SVIL: variants seen among roughly 807,000 people sequenced by gnomAD.
SVIL encodes supervillin.
Under a neutral mutation model 240.4 loss-of-function variants are expected in SVIL, and 101 were observed. That is an observed-to-expected ratio of 0.42 (90% CI 0.36 to 0.50). SVIL has a LOEUF of 0.50. SVIL is among the 20% of genes least tolerant of loss of function. The pLI, the probability that SVIL is intolerant of heterozygous loss-of-function variation, is 0.01. For missense variants in SVIL, 2,512 were observed against 2,818.7 expected, an observed-to-expected ratio of 0.89 and a Z score of 2.46; for synonymous variants, 999 against 1,100.0, an observed-to-expected ratio of 0.91 and a Z score of 1.82.
chr10:29,659,526 A>C (rs1148219), intron 2 of SVIL, among the ~76,000 whole-genome samples: 30,416 of 152,106 alleles, frequency 0.2, 3,323 homozygotes, highest in South Asian at 0.38. Flanking sequence ...ATTCCACAGG[A>C]AGGATGTCAG....
intron 18 of SVIL, among the ~76,000 whole-genome samples, chr10:29,497,072 G>A (rs893299840): frequency 6.6e-6 from 1 of 152,198 alleles, no homozygotes; most frequent in African/African-American, 2.4e-5. Context: ...TTCTGTGAGA[G>A]TAAATTATAT....
intron 1 of SVIL, among the ~76,000 whole-genome samples, chr10:29,693,341 G>A (rs1292202065): frequency 6.6e-6 from 1 of 151,986 alleles, no homozygotes; most frequent in African/African-American, 2.4e-5. Context: ...GCAAAGGCAA[G>A]GAGAGAAGAG....
At position 29,550,059 on chromosome 10, in the gene SVIL, GA is replaced by G. The variant is rs35956858; in HGVS notation, c.827+537del. On this transcript the variant is annotated intron_variant, in intron 6 of 37. Transcript: ENST00000355867. ...AAAAGAATTACGAAGAAAAGAAAAA[GA>G]AAAAAAAAAACATAAGAAACGCACA... Among the ~76,000 whole-genome samples the G allele has an allele frequency of 2.7e-3, 356 of 131,520 alleles. 7 individuals are homozygous for G. The South Asian group carries it at 0.06, about 22-fold the overall frequency. 86.3% of individuals were successfully genotyped at this position (131,520 alleles called of 152,430 possible).
chr10:29,662,982 A>T (rs1210875158), intron 2 of SVIL, among the ~76,000 whole-genome samples: 1 of 152,176 alleles, frequency 6.6e-6, no homozygotes, highest in Non-Finnish European at 1.5e-5. Flanking sequence ...GTGTGGTGGC[A>T]TGCACCTGTA....
At chr10:29,678,137 G>C (rs1476155055) in intron 2 of SVIL, among the ~76,000 whole-genome samples, 1 of 152,074 alleles carries the variant, frequency 6.6e-6, no homozygotes. Context: ...CAGGGGTTGA[G>C]GGGGATGGTT....
At chr10:29,639,468 C>T (rs1958414461), upstream of SVIL, among the ~76,000 whole-genome samples, 1 of 129,650 alleles carries the variant, frequency 7.7e-6, no homozygotes, top group African/African-American at 3.2e-5. Flanking sequence ...TGCGCCTGGC[C>T]CTTTTTTTTT....
chr10:29,676,585 G>A (rs1160198187), intron 2 of SVIL, among the ~76,000 whole-genome samples: 2 of 152,146 alleles, frequency 1.3e-5, no homozygotes, highest in Admixed American at 1.3e-4. Context: ...TCAAAGGTAA[G>A]TACAAAAAAA....
At chr10:29,555,656 T>C (rs984018652) in intron 3 of SVIL, among the ~76,000 whole-genome samples, 1 of 152,210 alleles carries the variant, frequency 6.6e-6, no homozygotes, top group African/African-American at 2.4e-5. Flanking sequence ...AAGGGAGACC[T>C]GACGAGCAAG....
chr10:29,665,490 T>C (rs1302730808), intron 2 of SVIL, among the ~76,000 whole-genome samples: 1 of 152,066 alleles, frequency 6.6e-6, no homozygotes, highest in Admixed American at 6.6e-5. Context: ...GGACAACTAA[T>C]ACCAGACTTA....
At chr10:29,638,197 C>T (rs900343577), upstream of SVIL, among the ~76,000 whole-genome samples, 6 of 152,156 alleles carry the variant, frequency 3.9e-5, no homozygotes, top group Non-Finnish European at 8.8e-5. Flanking sequence ...CGGGGTGGCT[C>T]ACACCTGTAA....
chr10:29,681,517 A>G (rs1960653159), intron 2 of SVIL, among the ~76,000 whole-genome samples: 1 of 152,038 alleles, frequency 6.6e-6, no homozygotes, highest in Non-Finnish European at 1.5e-5. Flanking sequence ...ATTTCATTAA[A>G]TTAACATCCT....
intron 27 of SVIL, chr10:29,483,905 T>G (rs1488897354): frequency 1.3e-5 from 2 of 152,248 alleles, no homozygotes; most frequent in African/African-American, 2.4e-5. Flanking sequence ...TATTGGGAGA[T>G]GCCCAATATT....
rs1564688775 is a variant in SVIL, at chr10:29,600,803, TCTAA to T, written c.-200-31495_-200-31492del. On this transcript the variant is annotated intron_variant, in intron 1 of 37. Transcript: ENST00000355867. Reference sequence around the variant, plus strand: ...ACCAGGAGAAGGACCGAAAGACTGTTCTAACTAAAACCCCACAATGGCATCTCTC... The same window carrying T: ...ACCAGGAGAAGGACCGAAAGACTGTTCTAAAACCCCACAATGGCATCTCTC... Among the ~76,000 whole-genome samples the T allele has an allele frequency of 2.0e-5, 3 of 152,250 alleles. No homozygotes were observed. In the East Asian group the frequency reaches 5.8e-4, roughly 29 times the overall value.
At position 29,465,588 on chromosome 10, in the gene SVIL, GCC is replaced by G; in HGVS notation, c.6133+5_6133+6del. 1 of 1,602,378 alleles carries G rather than the reference GCC, an allele frequency of 6.2e-7. No homozygotes were observed. The highest frequency in any genetic ancestry group is 1.3e-5 in the African/African-American group (1 of 74,664). The stretch of plus-strand genomic sequence containing the variant: ...TGCTCAGCATAGCTGCCCCCTGCAG[GCC>G]TTACCTGGCTGGGGCGCGCTGTACA... On this transcript the variant is annotated splice_donor_5th_base_variant and intron_variant, in intron 34 of 37. Coordinates refer to ENST00000355867, the MANE Select transcript of SVIL (RefSeq NM_021738.3).
intron 1 of SVIL, among the ~76,000 whole-genome samples, chr10:29,570,155 A>C (rs1258848078): frequency 6.6e-6 from 1 of 152,254 alleles, no homozygotes; most frequent in African/African-American, 2.4e-5. Context: ...ATCAAAATAC[A>C]TCCTCAGTCC....
chr10:29,467,990 C>T, intron 32 of SVIL, 115 bp from the exon 33 acceptor site: 1 of 1,181,630 alleles, frequency 8.5e-7, no homozygotes, highest in Non-Finnish European at 1.2e-6. Flanking sequence ...ATATAATTCA[C>T]ATGTCATAAA....
In SVIL at chr10:29,647,073, G is replaced by A. The variant is rs994826242; in HGVS notation, c.-201+10896C>T. 10 of 152,148 alleles carry A rather than the reference G, an allele frequency of 6.6e-5. No individual in the cohort carries two copies. The East Asian group carries it at 9.6e-4, about 15-fold the overall frequency. The allele number at this position is 152,148 out of a possible 1,614,324, so 9.4% of individuals were successfully genotyped here. On this transcript the variant is annotated intron_variant, in intron 3 of 35. Transcript: ENST00000375400. ...ACCTAGAAACCCCAATCCTCTGCAG[G>A]GGAAAACAAGAGGACATGCTTAGGA...
At position 29,466,832 on chromosome 10, in the gene SVIL, T is replaced by C. The variant is rs571035993; in HGVS notation, c.5977+910A>G. Among the ~76,000 whole-genome samples the C allele has an allele frequency of 7.3e-4, 111 of 152,350 alleles. 1 individual carries two copies. Among genetic ancestry groups the C allele is most frequent in the African/African-American group, 2.5e-3 (105 of 41,588 alleles). On this transcript the variant is annotated intron_variant, in intron 33 of 37. Coordinates refer to ENST00000355867, the MANE Select transcript of SVIL (RefSeq NM_021738.3). ...CTGTTCTGAGAAATGTGGTTATAAGTGACTTCATTTCTTTTTTTAACTTCT... is the reference window on the plus strand; with the variant it reads ...CTGTTCTGAGAAATGTGGTTATAAGCGACTTCATTTCTTTTTTTAACTTCT...
At chr10:29,539,271 T>C (rs1170445194) in intron 6 of SVIL, among the ~76,000 whole-genome samples, 2 of 152,240 alleles carry the variant, frequency 1.3e-5, no homozygotes, top group Admixed American at 6.5e-5. Flanking sequence ...ATCTTTTTCC[T>C]TCTTCACAGT....
Sources: gnomAD v4.1 joint callset for allele counts (sites outside exome capture counted in the v4.1 genomes callset) on GRCh38, gnomAD v4.1.1 for gene constraint, MANE v1.5 for transcripts, NCBI Gene and HGNC (gene_info 2026-07-23, HGNC 2026-07-21) for gene names.